Variants in HIRA observed in about 807,000 individuals in gnomAD.
HIRA encodes histone cell cycle regulator, also known as protein HIRA.
A neutral mutation model predicts 126.6 loss-of-function variants in HIRA; 13 were observed. The ratio of observed to expected loss-of-function variants is 0.10; its 90% CI spans 0.07 to 0.16. The LOEUF is 0.16. Among genes scored for constraint, HIRA ranks in the 10% least tolerant of loss-of-function variants. The probability of loss-of-function intolerance (pLI) is 1.00; values close to 1 mark genes in which losing one functional copy is unlikely to be tolerated. For synonymous variants in HIRA, 511 were observed against 520.0 expected (o/e 0.98, Z 0.24); for missense variants, 834 against 1,314.4 (o/e 0.63, Z 5.65).
chr22:19,347,540 A>C (rs73877061), intron 24 of HIRA, among the ~76,000 whole-genome samples: 85 of 152,334 alleles, frequency 5.6e-4, no homozygotes, highest in African/African-American at 2.0e-3. Flanking sequence ...TGTTAATGAT[A>C]AATGACTGAG....
intron 24 of HIRA, among the ~76,000 whole-genome samples, chr22:19,347,842 G>C (rs1556009370): frequency 6.6e-6 from 1 of 152,224 alleles, no homozygotes; most frequent in South Asian, 2.1e-4. Flanking sequence ...GGGAGGCTGA[G>C]GCAGGAGAAT....
chr22:19,334,867 C>A (rs2088545937), intron 24 of HIRA, among the ~76,000 whole-genome samples: 1 of 152,108 alleles, frequency 6.6e-6, no homozygotes, highest in Non-Finnish European at 1.5e-5. Context: ...GGGTTTAAAT[C>A]TACCATCCTA....
At chr22:19,401,485 A>G (rs920739917) in intron 5 of HIRA, among the ~76,000 whole-genome samples, 6 of 152,072 alleles carry the variant, frequency 3.9e-5, no homozygotes, top group Non-Finnish European at 1.5e-5. Context: ...CCAGAACCTC[A>G]TATTTCCAAG....
chr22:19,383,710 C>A lies in HIRA; in HGVS notation c.1330-5G>T, dbSNP rs1350872611. Reference sequence around the variant, plus strand: ...AACTTGTTTCTTCAAAAGATTCTGGCAAAGCAGAGTTACATAAATGAATGC... The same window carrying A: ...AACTTGTTTCTTCAAAAGATTCTGGAAAAGCAGAGTTACATAAATGAATGC... On this transcript the variant is annotated splice_region_variant and splice_polypyrimidine_tract_variant and intron_variant, in intron 12 of 24. Coordinates refer to ENST00000263208, the MANE Select transcript of HIRA (RefSeq NM_003325.4). 1 of 1,612,820 alleles carries A rather than the reference C, an allele frequency of 6.2e-7. No homozygotes were observed. The highest frequency in any genetic ancestry group is 1.1e-5 in the South Asian group (1 of 90,978).
intron 5 of HIRA, among the ~76,000 whole-genome samples, chr22:19,403,507 G>A (rs1047091344): frequency 1.3e-5 from 2 of 152,150 alleles, no homozygotes; most frequent in African/African-American, 2.4e-5. Flanking sequence ...AGCTACTCAG[G>A]AGTCTGAGGC....
At chr22:19,341,583 G>C (rs2146172966) in intron 24 of HIRA, among the ~76,000 whole-genome samples, 1 of 152,126 alleles carries the variant, frequency 6.6e-6, no homozygotes, top group South Asian at 2.1e-4. Context: ...AAACAGCATG[G>C]TACTGGTATA....
At chr22:19,347,460 G>C (rs1205742698) in intron 24 of HIRA, among the ~76,000 whole-genome samples, 2 of 152,142 alleles carry the variant, frequency 1.3e-5, no homozygotes, top group Admixed American at 6.5e-5. Context: ...ATGCAATTCA[G>C]AACAGCCTTC....
At chr22:19,395,669 G>A (rs949373867) in intron 7 of HIRA, among the ~76,000 whole-genome samples, 1 of 152,078 alleles carries the variant, frequency 6.6e-6, no homozygotes, top group Admixed American at 6.5e-5. Context: ...TGTGTCCCTC[G>A]CTCTGTGAAG....
intron 1 of HIRA, among the ~76,000 whole-genome samples, chr22:19,419,878 C>A (rs1350730331): frequency 1.3e-5 from 2 of 152,200 alleles, no homozygotes; most frequent in Admixed American, 1.3e-4. Flanking sequence ...ACACCCTTGG[C>A]TGGTTCACAG....
At chr22:19,355,672 C>T in intron 21 of HIRA, 88 bp downstream of exon 21, 1 of 895,166 alleles carries the variant, frequency 1.1e-6, no homozygotes, top group South Asian at 1.4e-5. Context: ...CAGGGCTAGG[C>T]AGCCCTGTAG....
In HIRA at chr22:19,351,263, G is replaced by T; in HGVS notation, c.2937+95C>A. On this transcript the variant is annotated intron_variant, in intron 24 of 24. Transcript: ENST00000263208. The surrounding 1 kb of genome is among the most constrained non-coding windows in gnomAD (Gnocchi z 4.8). The stretch of plus-strand genomic sequence containing the variant: ...GGCTGGGTGCTGGAGAAGTCTAACG[G>T]GACACAATTTCAAAGCACTTTGGCT... The T allele has an allele frequency of 1.3e-6, 2 of 1,508,874 alleles. No homozygotes were observed. Among genetic ancestry groups the T allele is most frequent in the East Asian group, 2.4e-5 (1 of 42,540 alleles). 93.5% of individuals were successfully genotyped at this position (1,508,874 alleles called of 1,614,324 possible). A position where few individuals can be genotyped will look rare whatever the true frequency, so the allele number is the denominator to read the frequency against.
At position 19,410,755 on chromosome 22, in the gene HIRA, T is replaced by C. The variant is rs1246956562; in HGVS notation, c.61A>G (p.Ile21Val). 6.2e-7 allele frequency: 1 copy of C among 1,613,824 alleles called. No homozygotes were observed. The highest frequency in any genetic ancestry group is 1.1e-5 in the South Asian group (1 of 91,006). ...HNGKPIFSVD[I>V]HPDGTKFATG... ...GCGAACTTGGTCCCGTCAGGGTGAATATCAACTGAAAAAATCGGCTTGCCT... is the reference window on the plus strand; with the variant it reads ...GCGAACTTGGTCCCGTCAGGGTGAACATCAACTGAAAAAATCGGCTTGCCT... Residue 21 changes from isoleucine to valine, a missense_variant, in exon 2 of 25, where the codon ATT (isoleucine) becomes GTT (valine). Ile to Val is a conservative substitution (Grantham distance 29, BLOSUM62 3). Transcript: ENST00000263208.
intron 1 of HIRA, among the ~76,000 whole-genome samples, chr22:19,421,158 G>T (rs575611254): frequency 6.6e-6 from 1 of 152,272 alleles, no homozygotes; most frequent in African/African-American, 2.4e-5. Context: ...AATTTATTGG[G>T]TGTGGTGGCA....
chr22:19,401,355 G>A (rs1259441644), intron 5 of HIRA, among the ~76,000 whole-genome samples: 1 of 152,140 alleles, frequency 6.6e-6, no homozygotes, highest in Non-Finnish European at 1.5e-5. Flanking sequence ...TTGAGCTACT[G>A]GCCTCAAGTG....
At position 19,431,696 on chromosome 22, in the gene HIRA, C is replaced by T. The variant is rs1233382965; in HGVS notation, c.-220G>A. On this transcript the variant is annotated 5_prime_UTR_variant, in exon 1 of 25. Coordinates refer to ENST00000263208, the MANE Select transcript of HIRA (RefSeq NM_003325.4). Reference sequence around the variant, plus strand: ...GCCGCCGCCGCCACCACAGCCGCATCCCCTGCGCCGCTCCTCCTCAGGCGG... The same window carrying T: ...GCCGCCGCCGCCACCACAGCCGCATTCCCTGCGCCGCTCCTCCTCAGGCGG... The T allele has an allele frequency of 5.3e-6, 2 of 375,252 alleles. No homozygotes were observed. Among genetic ancestry groups the T allele is most frequent in the Admixed American group, 5.1e-5 (1 of 19,722 alleles). 23.2% of individuals were successfully genotyped at this position (375,252 alleles called of 1,614,324 possible).
At chr22:19,397,700 G>A (rs899939402) in intron 6 of HIRA, among the ~76,000 whole-genome samples, 1 of 152,110 alleles carries the variant, frequency 6.6e-6, no homozygotes, top group Non-Finnish European at 1.5e-5. Context: ...AGTGGTGGGG[G>A]TGCACACAGC....
At position 19,431,429 on chromosome 22, in the gene HIRA, C is replaced by A; in HGVS notation, c.37+11G>T. 1.2e-6 allele frequency: 2 copies of A among 1,608,508 alleles called. No homozygotes were observed. Among genetic ancestry groups the A allele is most frequent in the Admixed American group, 1.7e-5 (1 of 59,952 alleles). ...CGGGCTCGGCCTCCCGCGACCCCTG[C>A]GCGCACTCACCATTGTGGTTGACCC... On this transcript the variant is annotated intron_variant, in intron 1 of 24. Coordinates refer to ENST00000263208, the MANE Select transcript of HIRA (RefSeq NM_003325.4).
At chr22:19,410,348 T>C (rs1280107846) in intron 2 of HIRA, among the ~76,000 whole-genome samples, 51 of 152,200 alleles carry the variant, frequency 3.4e-4, no homozygotes, top group Non-Finnish European at 1.5e-5. Context: ...ATTACCCTCA[T>C]TCCCTTTTTT....
intron 24 of HIRA, among the ~76,000 whole-genome samples, chr22:19,349,129 G>A (rs1268062804): frequency 2.0e-5 from 3 of 150,636 alleles, no homozygotes; most frequent in Admixed American, 1.3e-4. Flanking sequence ...TTCTTGAGAC[G>A]GAGTTTTGCT....
Sources: allele counts gnomAD v4.1 joint callset (sites outside exome capture counted in the v4.1 genomes callset), GRCh38; gene constraint gnomAD v4.1.1; non-coding constraint Gnocchi (gnomAD v3.1); transcripts MANE v1.5; gene names NCBI Gene and HGNC (gene_info 2026-07-23, HGNC 2026-07-21).